The following TNFRSF19 variants were observed in gnomAD, a reference collection of about 807,000 sequenced individuals.
TNFRSF19 encodes the protein TNF receptor superfamily member 19.
TNFRSF19 carries 27 observed loss-of-function variants against 46.4 expected under a neutral mutation model. The observed-to-expected ratio is 0.58, with a 90% confidence interval of 0.43 to 0.80. TNFRSF19 has a LOEUF of 0.80. Among genes scored for constraint, TNFRSF19 ranks in the 30% least tolerant of loss-of-function variants. The pLI is 0.00. For synonymous variants in TNFRSF19, 204 were observed against 205.0 expected (o/e 1.00, Z 0.04); for missense variants, 511 against 530.8 (o/e 0.96, Z 0.37).
intron 1 of TNFRSF19, among the ~76,000 whole-genome samples, chr13:23,580,832 G>A (rs1368304816): frequency 1.3e-5 from 2 of 152,208 alleles, no homozygotes; most frequent in Non-Finnish European, 2.9e-5. Context: ...AATGCATGAA[G>A]CATTATCATG....
chr13:23,591,851 C>T (rs1250052749), intron 2 of TNFRSF19, among the ~76,000 whole-genome samples: 3 of 151,708 alleles, frequency 2.0e-5, no homozygotes, highest in African/African-American at 7.3e-5. Flanking sequence ...TCAGCCCTTG[C>T]AAGTAGCTGG....
intron 2 of TNFRSF19, among the ~76,000 whole-genome samples, chr13:23,591,283 T>C (rs978213225): frequency 6.6e-6 from 1 of 152,086 alleles, no homozygotes; most frequent in African/African-American, 2.4e-5. Flanking sequence ...TGAGACCTCA[T>C]TGTTACTAAA....
At position 23,673,642 on chromosome 13, in the gene TNFRSF19, G is replaced by A. The variant is rs905302703; in HGVS notation, c.*262G>A. ...TCTTTCCTACATGAGAAGCTTCTCT[G>A]CCACAAAAGTGACTTCAAAGACGGA... On this transcript the variant is annotated 3_prime_UTR_variant, in exon 10 of 10. Transcript: ENST00000248484. 2.3e-4 allele frequency: 247 copies of A among 1,066,908 alleles called. No individual in the cohort carries two copies. Among genetic ancestry groups the A allele is most frequent in the Non-Finnish European group, 2.8e-4 (237 of 843,004 alleles). The allele number at this position is 1,066,908 out of a possible 1,614,324, so 66.1% of individuals were successfully genotyped here.
intron 2 of TNFRSF19, among the ~76,000 whole-genome samples, chr13:23,591,092 T>C (rs1418882400): frequency 2.0e-5 from 3 of 152,250 alleles, no homozygotes; most frequent in Non-Finnish European, 2.9e-5. Flanking sequence ...AATCTAGTGA[T>C]AAAATAATGA....
chr13:23,652,871 G>C (rs1288918454), intron 5 of TNFRSF19, among the ~76,000 whole-genome samples: 2 of 152,188 alleles, frequency 1.3e-5, no homozygotes, highest in African/African-American at 4.8e-5. Flanking sequence ...TCAGGCACCA[G>C]CTGTGTGCCA....
intron 5 of TNFRSF19, among the ~76,000 whole-genome samples, chr13:23,655,373 A>G (rs1217218467): frequency 6.6e-6 from 1 of 152,224 alleles, no homozygotes; most frequent in Admixed American, 6.5e-5. Flanking sequence ...TGCTAACATT[A>G]TGGTGGAATT....
Position 23,578,944 on chromosome 13 carries a change from C to T in TNFRSF19, c.-35+8096C>T, listed in dbSNP as rs1046120985. ...TCCCTGCCGGCTGAGGAGCCGAGGT[C>T]TGCGACCTCTGCCGACCTGAGCTCA... On this transcript the variant is annotated intron_variant, in intron 1 of 9. Transcript: ENST00000248484. Among the ~76,000 whole-genome samples the T allele has an allele frequency of 3.3e-5, 5 of 152,246 alleles. No individual in the cohort carries two copies. The South Asian group carries it at 6.2e-4, about 19-fold the overall frequency.
chr13:23,665,662 C>A (rs1452789922), intron 7 of TNFRSF19, among the ~76,000 whole-genome samples: 1 of 152,064 alleles, frequency 6.6e-6, no homozygotes, highest in Admixed American at 6.5e-5. Context: ...GTTTTAAATT[C>A]AGTTGCAAAT....
intron 5 of TNFRSF19, among the ~76,000 whole-genome samples, chr13:23,649,123 T>C (rs1883489428): frequency 6.6e-6 from 1 of 152,196 alleles, no homozygotes; most frequent in Non-Finnish European, 1.5e-5. Flanking sequence ...CTCTTCATTT[T>C]TTGGGATGAG....
chr13:23,606,164 C>G (rs1421747044), intron 3 of TNFRSF19, among the ~76,000 whole-genome samples: 3 of 152,136 alleles, frequency 2.0e-5, no homozygotes, highest in South Asian at 4.1e-4. Context: ...AGAACAGTAT[C>G]TGATAACAGG....
chr13:23,581,127 C>CTTTT lies in TNFRSF19; in HGVS notation c.-34-9022_-34-9019dup, dbSNP rs1226042943. Among the ~76,000 whole-genome samples the CTTTT allele has an allele frequency of 1.2e-4, 15 of 123,236 alleles. 1 individual carries two copies. The highest frequency in any genetic ancestry group is 4.1e-4 in the African/African-American group (14 of 33,974). 80.8% of individuals were successfully genotyped at this position (123,236 alleles called of 152,430 possible). On this transcript the variant is annotated intron_variant, in intron 1 of 9. Transcript: ENST00000248484. ...ATGTCGATGTGCCTTTTCTTTTTTT[C>CTTTT]TTTTCTTTTTTTTTTTTTGAAACGG...
chr13:23,658,017 G>A (rs748346399), intron 5 of TNFRSF19, among the ~76,000 whole-genome samples: 6 of 152,122 alleles, frequency 3.9e-5, no homozygotes, highest in Non-Finnish European at 8.8e-5. Flanking sequence ...CAGGGCATCT[G>A]CTTGGGAAAG....
At position 23,652,010 on chromosome 13, in the gene TNFRSF19, T is replaced by C. The variant is rs568232027; in HGVS notation, c.446-7040T>C. On this transcript the variant is annotated intron_variant, in intron 5 of 9. Coordinates refer to ENST00000248484, the MANE Select transcript of TNFRSF19 (RefSeq NM_148957.4). The stretch of plus-strand genomic sequence containing the variant: ...ATTAAAAAGTATGTACAGATACATA[T>C]CAACTTCTCCATCTATGAGATCCTT... Among the ~76,000 whole-genome samples, 283 of 149,506 alleles carry C rather than the reference T, an allele frequency of 1.9e-3. 1 individual carries two copies. Among genetic ancestry groups the C allele is most frequent in the African/African-American group, 6.6e-3 (271 of 40,928 alleles).
chr13:23,647,867 C>T (rs73451269), intron 5 of TNFRSF19, among the ~76,000 whole-genome samples: 2,581 of 152,158 alleles, frequency 0.017, 71 homozygotes, highest in African/African-American at 0.058. Flanking sequence ...TATTGGCACT[C>T]ATTTAAAAAA....
At chr13:23,665,276 A>G (rs367942469) in intron 7 of TNFRSF19, among the ~76,000 whole-genome samples, 4 of 152,214 alleles carry the variant, frequency 2.6e-5, no homozygotes, top group East Asian at 3.8e-4. Context: ...TAAATTTTAA[A>G]TGTAATAAAA....
chr13:23,606,096 T>C (rs965857164), intron 3 of TNFRSF19, among the ~76,000 whole-genome samples: 1 of 152,166 alleles, frequency 6.6e-6, no homozygotes, highest in East Asian at 1.9e-4. Flanking sequence ...AATTTCGTTA[T>C]GAACCTAAAA....
intron 3 of TNFRSF19, among the ~76,000 whole-genome samples, chr13:23,600,947 A>G (rs1880113829): frequency 6.6e-6 from 1 of 152,244 alleles, no homozygotes; most frequent in Admixed American, 6.5e-5. Context: ...CAATGCAAGC[A>G]TCAGAACCAG....
intron 5 of TNFRSF19, among the ~76,000 whole-genome samples, chr13:23,644,779 G>A (rs1194771360): frequency 6.6e-6 from 1 of 152,176 alleles, no homozygotes; most frequent in African/African-American, 2.4e-5. Context: ...AGGCTGGCCT[G>A]TATGTCTGCC....
intron 4 of TNFRSF19, among the ~76,000 whole-genome samples, chr13:23,624,375 T>A (rs1881858462): frequency 6.6e-6 from 1 of 152,172 alleles, no homozygotes; most frequent in South Asian, 2.1e-4. Flanking sequence ...AGGAGTAATT[T>A]TATTAATATC....
Sources: allele counts gnomAD v4.1 joint callset (sites outside exome capture counted in the v4.1 genomes callset), GRCh38; gene constraint gnomAD v4.1.1; transcripts MANE v1.5; gene names NCBI Gene and HGNC (gene_info 2026-07-23, HGNC 2026-07-21).